Variants in GPC5 observed in about 807,000 individuals in gnomAD.
GPC5 encodes the protein glypican-5.
GPC5 carries 47 observed loss-of-function variants against 53.9 expected under a neutral mutation model. The ratio of observed to expected loss-of-function variants is 0.87; its 90% CI spans 0.69 to 1.11. The LOEUF (loss-of-function observed/expected upper bound fraction) is 1.11, where lower values mean the gene tolerates loss of function less well. Ranked by LOEUF, GPC5 falls within the 50% of genes most tolerant of loss-of-function variation. GPC5 has a pLI of 0.00. For synonymous variants in GPC5, 286 were observed against 263.3 expected (o/e 1.09, Z -0.84); for missense variants, 748 against 713.1 (o/e 1.05, Z -0.56).
intron 7 of GPC5, among the ~76,000 whole-genome samples, chr13:92,767,235 G>T (rs1456209648): frequency 6.6e-6 from 1 of 152,130 alleles, no homozygotes; most frequent in Non-Finnish European, 1.5e-5. Context: ...ACTTTGGGAG[G>T]CCAAGCAGGT....
intron 7 of GPC5, among the ~76,000 whole-genome samples, chr13:92,311,152 G>A (rs963209767): frequency 2.8e-4 from 42 of 151,948 alleles, no homozygotes; most frequent in African/African-American, 9.9e-4. Context: ...GAACATATAC[G>A]GGAGTCCATG....
intron 7 of GPC5, among the ~76,000 whole-genome samples, chr13:92,297,466 A>C (rs540720319): frequency 2.2e-5 from 3 of 139,320 alleles, no homozygotes; most frequent in African/African-American, 8.3e-5. Context: ...TAAATACACC[A>C]ATCGGCACTC....
intron 7 of GPC5, among the ~76,000 whole-genome samples, chr13:92,642,284 G>A (rs957818960): frequency 6.6e-6 from 1 of 152,140 alleles, no homozygotes; most frequent in African/African-American, 2.4e-5. Context: ...GATAGCAGAT[G>A]TCTCCCAGAG....
chr13:91,914,973 C>A lies in GPC5; in HGVS notation c.1401+6916C>A, dbSNP rs183813464. 3.2e-3 allele frequency among the ~76,000 whole-genome samples: 492 copies of A among 152,242 alleles called. 2 individuals carry two copies. The highest frequency in any genetic ancestry group is 0.011 in the African/African-American group (472 of 41,560). On this transcript the variant is annotated intron_variant, in intron 6 of 7. Coordinates refer to ENST00000377067, the MANE Select transcript of GPC5 (RefSeq NM_004466.6). ...ATTGGTCAGTTGCTAATTGCAAATTCTTTGACGGTAGCATGTCAGCTGATT... is the reference window on the plus strand; with the variant it reads ...ATTGGTCAGTTGCTAATTGCAAATTATTTGACGGTAGCATGTCAGCTGATT...
intron 7 of GPC5, among the ~76,000 whole-genome samples, chr13:92,532,184 G>A (rs552147090): frequency 6.6e-6 from 1 of 152,110 alleles, no homozygotes; most frequent in South Asian, 2.1e-4. Context: ...TGACACAAAT[G>A]ACAATTTCTT....
intron 2 of GPC5, among the ~76,000 whole-genome samples, chr13:91,679,204 A>G (rs143802825): frequency 6.6e-6 from 1 of 151,734 alleles, no homozygotes; most frequent in Admixed American, 6.6e-5. Context: ...TTATACTTTA[A>G]GTTCTGAGGT....
intron 7 of GPC5, among the ~76,000 whole-genome samples, chr13:92,518,768 A>T (rs530457386): frequency 6.6e-6 from 1 of 152,340 alleles, no homozygotes; most frequent in African/African-American, 2.4e-5. Context: ...GATCAAATTC[A>T]CACATAACAA....
intron 4 of GPC5, among the ~76,000 whole-genome samples, chr13:91,754,714 C>T (rs981278580): frequency 2.0e-5 from 3 of 152,108 alleles, no homozygotes; most frequent in Non-Finnish European, 4.4e-5. Flanking sequence ...ATAGCTGCAA[C>T]ATATAAATTG....
intron 6 of GPC5, among the ~76,000 whole-genome samples, chr13:91,921,852 T>C (rs1228161004): frequency 6.6e-6 from 1 of 151,718 alleles, no homozygotes; most frequent in East Asian, 1.9e-4. Context: ...TGTAGTCCTA[T>C]CCTAGCTACT....
intron 7 of GPC5, among the ~76,000 whole-genome samples, chr13:92,218,767 G>A (rs1027509354): frequency 3.3e-5 from 5 of 152,180 alleles, no homozygotes; most frequent in African/African-American, 9.7e-5. Flanking sequence ...GATAACGGCT[G>A]AAGCCACTTC....
At chr13:92,295,998 A>C (rs2043031726) in intron 7 of GPC5, among the ~76,000 whole-genome samples, 1 of 152,044 alleles carries the variant, frequency 6.6e-6, no homozygotes, top group Admixed American at 6.5e-5. Flanking sequence ...TCATCATGCT[A>C]TTTGTTGCCT....
At position 92,584,422 on chromosome 13, in the gene GPC5, A is replaced by C. The variant is rs1165033208; in HGVS notation, c.1562-281860A>C. ...GCCCTAGAGATCTGTGGAGCTTTGAACTTGAGACAGATGATTTAGGGTATC... is the reference window on the plus strand; with the variant it reads ...GCCCTAGAGATCTGTGGAGCTTTGACCTTGAGACAGATGATTTAGGGTATC... On this transcript the variant is annotated intron_variant, in intron 7 of 7. Coordinates refer to ENST00000377067, the MANE Select transcript of GPC5 (RefSeq NM_004466.6). 3.3e-5 allele frequency among the ~76,000 whole-genome samples: 5 copies of C among 152,144 alleles called. No homozygotes were observed. In the East Asian group the frequency reaches 9.6e-4, roughly 29 times the overall value.
intron 4 of GPC5, among the ~76,000 whole-genome samples, chr13:91,741,326 T>A (rs1486650733): frequency 6.6e-6 from 1 of 152,186 alleles, no homozygotes; most frequent in Non-Finnish European, 1.5e-5. Flanking sequence ...TTTTATCACT[T>A]GGAACATTAA....
At chr13:91,905,156 A>G (rs1258097606) in intron 5 of GPC5, among the ~76,000 whole-genome samples, 5 of 152,044 alleles carry the variant, frequency 3.3e-5, no homozygotes, top group Admixed American at 3.3e-4. Flanking sequence ...TTATTTATTC[A>G]TATTATTCAC....
chr13:92,338,990 G>C (rs181800790), intron 7 of GPC5, among the ~76,000 whole-genome samples: 2 of 151,958 alleles, frequency 1.3e-5, no homozygotes, highest in Non-Finnish European at 2.9e-5. Flanking sequence ...GAAGGCAGGA[G>C]GTATGTGGGA....
In GPC5 at chr13:91,595,266, G is replaced by A. The variant is rs983074389; in HGVS notation, c.326-97921G>A. On this transcript the variant is annotated intron_variant, in intron 2 of 7. Transcript: ENST00000377067. ...TCTCTTGGTGTGATCCACCTGCCTC[G>A]GCCTTCCAAAGTGCTGGGACTACAG... Among the ~76,000 whole-genome samples the A allele has an allele frequency of 6.6e-5, 10 of 151,816 alleles. No homozygotes were observed. The East Asian group carries it at 1.5e-3, about 24-fold the overall frequency.
chr13:92,141,367 A>C (rs2041829352), intron 6 of GPC5, among the ~76,000 whole-genome samples: 1 of 152,156 alleles, frequency 6.6e-6, no homozygotes, highest in African/African-American at 2.4e-5. Flanking sequence ...TGAATCACGC[A>C]ATTATATTTC....
chr13:92,174,391 C>A (rs1220282883), intron 7 of GPC5, among the ~76,000 whole-genome samples: 2 of 150,928 alleles, frequency 1.3e-5, no homozygotes, highest in African/African-American at 2.4e-5. Context: ...AAAAAATGGC[C>A]GGGTGTGGTG....
intron 6 of GPC5, among the ~76,000 whole-genome samples, chr13:92,104,368 A>G (rs1228212360): frequency 1.3e-5 from 2 of 152,140 alleles, no homozygotes; most frequent in Non-Finnish European, 2.9e-5. Flanking sequence ...TTATTTCCAG[A>G]GTTCTAAAAC....
Sources: allele counts gnomAD v4.1 joint callset (sites outside exome capture counted in the v4.1 genomes callset), GRCh38; gene constraint gnomAD v4.1.1; transcripts MANE v1.5; gene names NCBI Gene and HGNC (gene_info 2026-07-23, HGNC 2026-07-21).